Variants in C3orf52 observed in about 807,000 individuals in gnomAD.
The protein encoded by C3orf52 is chromosome 3 open reading frame 52.
In C3orf52, 22 loss-of-function variants were observed where a neutral mutation model predicts 24.8. The ratio of observed to expected loss-of-function variants is 0.89; its 90% confidence interval spans 0.63 to 1.27. The LOEUF (loss-of-function observed/expected upper bound fraction) is 1.27, where lower values mean the gene tolerates loss of function less well. Among genes scored for constraint, C3orf52 ranks in the 50% most tolerant of loss-of-function variants. The pLI, the probability that C3orf52 is intolerant of heterozygous loss-of-function variation, is 0.00. For missense variants in C3orf52, 265 were observed against 260.7 expected, an observed-to-expected ratio of 1.02 and a Z score of -0.11; for synonymous variants, 93 against 100.2, an observed-to-expected ratio of 0.93 and a Z score of 0.43.
At chr3:112,129,748 G>A (rs1220272323), downstream of C3orf52, 1 of 152,134 alleles carries the variant, frequency 6.6e-6, no homozygotes, top group African/African-American at 2.4e-5. Context: ...CCTAACGCGG[G>A]CATTGGTGTT....
At chr3:112,105,570 G>GTGTGTGTGTGTGTGTGTT (rs199579112) in intron 3 of C3orf52, among the ~76,000 whole-genome samples, 107 of 134,044 alleles carry the variant, frequency 8.0e-4, no homozygotes, top group African/African-American at 2.7e-3. Flanking sequence ...GTGTGTGTGT[G>GTGTGTGTGTGTGTGTGTT]TTTTCCACAC....
At chr3:112,131,972 A>T (rs1044748091), downstream of C3orf52, among the ~76,000 whole-genome samples, 21 of 152,174 alleles carry the variant, frequency 1.4e-4, no homozygotes, top group African/African-American at 4.8e-4. Flanking sequence ...AAATTTTTTT[A>T]AAGTTTTTTT....
In C3orf52 at chr3:112,117,058, C is replaced by A; in HGVS notation, c.*412C>A. 1 of 810,602 alleles carries A rather than the reference C, an allele frequency of 1.2e-6. No homozygotes were observed. Among genetic ancestry groups the A allele is most frequent in the Non-Finnish European group, 1.9e-6 (1 of 523,782 alleles). 50.2% of individuals were successfully genotyped at this position (810,602 alleles called of 1,614,324 possible). On this transcript the variant is annotated 3_prime_UTR_variant, in exon 6 of 6. Coordinates refer to ENST00000264848, the MANE Select transcript of C3orf52 (RefSeq NM_024616.3). Reference sequence around the variant, plus strand: ...TCTTGAAGCACTCCACCCACCTGGGCTACTTTTTCTTTAGTGCAGAGGTGC... The same window carrying A: ...TCTTGAAGCACTCCACCCACCTGGGATACTTTTTCTTTAGTGCAGAGGTGC...
intron 5 of C3orf52, among the ~76,000 whole-genome samples, chr3:112,114,588 C>G (rs904196266): frequency 6.6e-6 from 1 of 151,954 alleles, no homozygotes; most frequent in Non-Finnish European, 1.5e-5. Flanking sequence ...CTTATAATCC[C>G]AGCTACTCGG....
At chr3:112,115,908 T>C (rs1039857869) in intron 5 of C3orf52, among the ~76,000 whole-genome samples, 1 of 152,140 alleles carries the variant, frequency 6.6e-6, no homozygotes, top group African/African-American at 2.4e-5. Flanking sequence ...CTATCTTTGG[T>C]CTTCTTCACC....
chr3:112,106,736 C>T (rs2074029139), intron 3 of C3orf52, among the ~76,000 whole-genome samples: 1 of 152,156 alleles, frequency 6.6e-6, no homozygotes, highest in African/African-American at 2.4e-5. Flanking sequence ...ACAGGCCCTG[C>T]CATGTGTCAC....
chr3:112,092,882 C>T (rs1209732415), intron 1 of C3orf52, among the ~76,000 whole-genome samples: 6 of 152,192 alleles, frequency 3.9e-5, no homozygotes, highest in African/African-American at 1.4e-4. Flanking sequence ...TTCAACTCGG[C>T]TCTGGTGTTT....
intron 3 of C3orf52, among the ~76,000 whole-genome samples, chr3:112,109,071 G>T (rs1445900259): frequency 1.3e-5 from 2 of 152,106 alleles, no homozygotes; most frequent in African/African-American, 4.8e-5. Flanking sequence ...TTGTCTCTTT[G>T]TCCAGGGGAT....
intron 2 of C3orf52, among the ~76,000 whole-genome samples, chr3:112,099,343 A>G (rs990199081): frequency 6.6e-6 from 1 of 152,196 alleles, no homozygotes; most frequent in Admixed American, 6.5e-5. Context: ...CATTCAGACC[A>G]TAACATATCC....
At chr3:112,128,949 C>T (rs1424252269), downstream of C3orf52, 1 of 152,248 alleles carries the variant, frequency 6.6e-6, no homozygotes, top group Non-Finnish European at 1.5e-5. Flanking sequence ...CCCCCGTGAG[C>T]TTTCCCATGA....
intron 4 of C3orf52, chr3:112,112,760 G>A (rs2074095952): frequency 1.6e-6 from 1 of 625,270 alleles, no homozygotes. Flanking sequence ...GAAGGAGGAG[G>A]TTAGGATCAC....
chr3:112,108,414 A>T (rs76114977), intron 3 of C3orf52, among the ~76,000 whole-genome samples: 6,132 of 152,308 alleles, frequency 0.04, 157 homozygotes, highest in South Asian at 0.068. Context: ...GAAAGGGAGA[A>T]CAATTTTGTG....
downstream of C3orf52, chr3:112,130,465 G>A (rs201050831): frequency 1.2e-5 from 19 of 1,613,980 alleles, no homozygotes; most frequent in East Asian, 2.2e-4. Flanking sequence ...TCTGTTTGGG[G>A]CTTTGCATTC....
chr3:112,089,901 C>A (rs568362609), intron 1 of C3orf52, among the ~76,000 whole-genome samples: 4 of 152,296 alleles, frequency 2.6e-5, no homozygotes, highest in African/African-American at 9.6e-5. Context: ...AATATGATCA[C>A]AGAATATAAG....
At chr3:112,125,156 TCTC>T (rs2074287597) in intron 4 of C3orf52, 4 of 1,012,160 alleles carry the variant, frequency 4.0e-6, no homozygotes, top group South Asian at 1.3e-5. Context: ...GAGGCCAACT[TCTC>T]CTGCCATTTA....
At chr3:112,101,413 G>T (rs2073971031) in intron 2 of C3orf52, among the ~76,000 whole-genome samples, 1 of 152,148 alleles carries the variant, frequency 6.6e-6, no homozygotes, top group African/African-American at 2.4e-5. Context: ...AGTACCCGGG[G>T]TTTTCACTGG....
At chr3:112,098,659 A>G (rs951012517) in intron 2 of C3orf52, among the ~76,000 whole-genome samples, 2 of 152,234 alleles carry the variant, frequency 1.3e-5, no homozygotes, top group Non-Finnish European at 2.9e-5. Context: ...TAGCTTATAC[A>G]TAACAGAAAT....
In C3orf52 at chr3:112,128,259, A is replaced by G. The variant is rs527884636; in HGVS notation, c.*73A>G. The G allele has an allele frequency of 8.0e-5, 56 of 696,808 alleles. No individual in the cohort carries two copies. In the African/African-American group the frequency reaches 8.4e-4, roughly 10 times the overall value. 43.2% of individuals were successfully genotyped at this position (696,808 alleles called of 1,614,324 possible). On this transcript the variant is annotated 3_prime_UTR_variant, in exon 5 of 5. Transcript: ENST00000480282. ...ATGAAGATGATACTATCAAATTCCTAATCAGGAAAAAAGCTTTCTGCTGTG... is the reference window on the plus strand; with the variant it reads ...ATGAAGATGATACTATCAAATTCCTGATCAGGAAAAAAGCTTTCTGCTGTG...
chr3:112,123,443 C>A lies in C3orf52; in HGVS notation c.*46+3881C>A, dbSNP rs748815539. 2.5e-6 allele frequency: 4 copies of A among 1,611,180 alleles called. No individual in the cohort carries two copies. In the East Asian group the frequency reaches 6.7e-5, roughly 27 times the overall value. On this transcript the variant is annotated intron_variant, in intron 4 of 4. Coordinates refer to the C3orf52 transcript ENST00000480282. ...TTGTTGGTGCTAAACAAATGCTAGTCCAGCCACTTCACTATAAATGGGAAA... is the reference window on the plus strand; with the variant it reads ...TTGTTGGTGCTAAACAAATGCTAGTACAGCCACTTCACTATAAATGGGAAA...
Sources: gnomAD v4.1 joint callset for allele counts (sites outside exome capture counted in the v4.1 genomes callset) on GRCh38, gnomAD v4.1.1 for gene constraint, MANE v1.5 for transcripts, NCBI Gene and HGNC (gene_info 2026-07-23, HGNC 2026-07-21) for gene names.